The following RAB31 variants were observed in gnomAD, a reference collection of about 807,000 sequenced individuals.
The protein encoded by RAB31 is ras-related protein Rab-31.
A neutral mutation model predicts 25.6 loss-of-function variants in RAB31; 21 were observed. That is an observed-to-expected ratio of 0.82 (90% CI 0.58 to 1.18). RAB31 has a LOEUF of 1.18. RAB31 is among the 50% of genes most tolerant of loss of function. The probability of loss-of-function intolerance (pLI) is 0.00; values close to 1 mark genes in which losing one functional copy is unlikely to be tolerated. For synonymous variants in RAB31, 87 were observed against 84.0 expected, an observed-to-expected ratio of 1.04 and a Z score of -0.20; for missense variants, 196 against 250.1, an observed-to-expected ratio of 0.78 and a Z score of 1.46.
intron 3 of RAB31, among the ~76,000 whole-genome samples, chr18:9,809,962 A>G (rs1433944630): frequency 6.6e-6 from 1 of 152,230 alleles, no homozygotes; most frequent in Non-Finnish European, 1.5e-5. Flanking sequence ...AGAAGCTCCA[A>G]GAGCCTGAAG....
intron 6 of RAB31, chr18:9,856,309 A>C (rs2068815351): frequency 6.6e-6 from 1 of 152,194 alleles, no homozygotes. Context: ...TGGGGAGAGA[A>C]ATGAGAAGCA....
chr18:9,832,021 G>A (rs2068680961), intron 5 of RAB31, among the ~76,000 whole-genome samples: 1 of 152,260 alleles, frequency 6.6e-6, no homozygotes, highest in African/African-American at 2.4e-5. Flanking sequence ...GTGGACGGCA[G>A]TGCTAGTGAT....
At position 9,741,407 on chromosome 18, in the gene RAB31, A is replaced by T. The variant is rs1447719297; in HGVS notation, c.39+32963A>T. On this transcript the variant is annotated intron_variant, in intron 1 of 6. Coordinates refer to ENST00000578921, the MANE Select transcript of RAB31 (RefSeq NM_006868.4). Reference sequence around the variant, plus strand: ...AAAAAAAAAAAAAAAAAAAAAAGGCAGCTGCTCTGGGCACCCCTGGATTGT... The same window carrying T: ...AAAAAAAAAAAAAAAAAAAAAAGGCTGCTGCTCTGGGCACCCCTGGATTGT... Among the ~76,000 whole-genome samples the T allele has an allele frequency of 2.7e-5, 4 of 145,550 alleles. No homozygotes were observed. In the East Asian group the frequency reaches 8.1e-4, roughly 29 times the overall value.
rs954288858 is a variant in RAB31, at chr18:9,745,075, A to G, written c.40-30203A>G. On this transcript the variant is annotated intron_variant, in intron 1 of 6. Transcript: ENST00000578921. ...ATACCTTAAGCTACATTACTAAGAA[A>G]AAAAGAGAAAAGAAGTAAATCACTA... 9.2e-5 allele frequency among the ~76,000 whole-genome samples: 14 copies of G among 152,318 alleles called. No homozygotes were observed. The East Asian group carries it at 1.5e-3, about 17-fold the overall frequency.
At chr18:9,791,733 G>A (rs1396062008) in intron 2 of RAB31, among the ~76,000 whole-genome samples, 5 of 151,964 alleles carry the variant, frequency 3.3e-5, no homozygotes, top group African/African-American at 9.7e-5. Flanking sequence ...AGCTGGGACC[G>A]CAGGTGCCTG....
At chr18:9,800,445 T>G (rs532556065) in intron 3 of RAB31, among the ~76,000 whole-genome samples, 103 of 152,204 alleles carry the variant, frequency 6.8e-4, no homozygotes, top group Non-Finnish European at 1.3e-3. Flanking sequence ...AAGATATATT[T>G]ATTCCTTCCT....
chr18:9,741,918 A>C (rs1244993950), intron 1 of RAB31, among the ~76,000 whole-genome samples: 2 of 152,210 alleles, frequency 1.3e-5, no homozygotes, highest in African/African-American at 4.8e-5. Flanking sequence ...CCAGGGACCC[A>C]GAGGGAGCCA....
At chr18:9,856,941 A>G (rs1471137233) in intron 6 of RAB31, among the ~76,000 whole-genome samples, 1 of 152,102 alleles carries the variant, frequency 6.6e-6, no homozygotes, top group Non-Finnish European at 1.5e-5. Flanking sequence ...TTATCACTTA[A>G]GGTTGACCAA....
intron 1 of RAB31, among the ~76,000 whole-genome samples, chr18:9,727,735 A>G (rs1893129): frequency 0.7 from 105,953 of 152,154 alleles, 37,249 homozygotes; most frequent in African/African-American, 0.73. Flanking sequence ...AAACCTTTCT[A>G]TGAAGAAAAT....
chr18:9,813,973 T>TGCC (rs2068588152), intron 3 of RAB31, 47 bp from the exon 4 acceptor site: 2 of 1,323,538 alleles, frequency 1.5e-6, no homozygotes, highest in Admixed American at 3.9e-5. Context: ...TGGGATTGAA[T>TGCC]AAAGTCTGTT....
chr18:9,754,056 G>A (rs2145479985), intron 1 of RAB31, among the ~76,000 whole-genome samples: 1 of 152,194 alleles, frequency 6.6e-6, no homozygotes, highest in Middle Eastern at 3.4e-3. Flanking sequence ...AGGGGTGCAG[G>A]GCTCCTGCCA....
At chr18:9,846,745 T>G (rs1185093762) in intron 6 of RAB31, among the ~76,000 whole-genome samples, 1 of 152,220 alleles carries the variant, frequency 6.6e-6, no homozygotes, top group Non-Finnish European at 1.5e-5. Flanking sequence ...AGTGCATTAC[T>G]TTAGACTCCA....
chr18:9,729,731 G>C (rs1380484713), intron 1 of RAB31, among the ~76,000 whole-genome samples: 1 of 148,072 alleles, frequency 6.8e-6, no homozygotes, highest in Non-Finnish European at 1.5e-5. Flanking sequence ...CTACTGGTCT[G>C]ACATGTTATC....
In RAB31 at chr18:9,824,279, T is replaced by C. The variant is rs566370794; in HGVS notation, c.380+9057T>C. Among the ~76,000 whole-genome samples, 18 of 149,878 alleles carry C rather than the reference T, an allele frequency of 1.2e-4. No individual in the cohort carries two copies. In the East Asian group the frequency reaches 3.6e-3, roughly 30 times the overall value. On this transcript the variant is annotated intron_variant, in intron 5 of 6. Transcript: ENST00000578921. ...ATGAGTGTGTGTGTAGATGTGTATG[T>C]AGATGTGTGTGTATGTGTGTGTAGA...
intron 1 of RAB31, among the ~76,000 whole-genome samples, chr18:9,771,918 GAC>G (rs2068347221): frequency 6.6e-6 from 1 of 152,208 alleles, no homozygotes; most frequent in African/African-American, 2.4e-5. Flanking sequence ...AAAATAAAGA[GAC>G]AGTGACTTTG....
chr18:9,843,574 G>A lies in RAB31; in HGVS notation c.381-2008G>A, dbSNP rs1479053128. Among the ~76,000 whole-genome samples, 7 of 151,288 alleles carry A rather than the reference G, an allele frequency of 4.6e-5. No homozygotes were observed. The South Asian group carries it at 1.5e-3, about 32-fold the overall frequency. On this transcript the variant is annotated intron_variant, in intron 5 of 6. Transcript: ENST00000578921. ...AAAAAAAAAAAAAAAAACTTCAGGA[G>A]GAAGTAAAAAACAAGGTATCATGCC...
chr18:9,801,637 C>T (rs968601112), intron 3 of RAB31, among the ~76,000 whole-genome samples: 1 of 152,128 alleles, frequency 6.6e-6, no homozygotes, highest in Non-Finnish European at 1.5e-5. Flanking sequence ...ATTGTTGGGT[C>T]ATATGGTAAC....
chr18:9,817,499 C>T (rs538312933), intron 5 of RAB31, among the ~76,000 whole-genome samples: 2 of 152,228 alleles, frequency 1.3e-5, no homozygotes, highest in South Asian at 4.1e-4. Context: ...GCATTCTCTT[C>T]GTTTCCAGTC....
intron 5 of RAB31, among the ~76,000 whole-genome samples, chr18:9,834,719 G>T (rs1276429670): frequency 6.6e-6 from 1 of 152,160 alleles, no homozygotes; most frequent in African/African-American, 2.4e-5. Flanking sequence ...CTTCTTTGGC[G>T]GTGGGGGAAG....
Sources: gnomAD v4.1 joint callset for allele counts (sites outside exome capture counted in the v4.1 genomes callset) on GRCh38, gnomAD v4.1.1 for gene constraint, MANE v1.5 for transcripts, NCBI Gene and HGNC (gene_info 2026-07-23, HGNC 2026-07-21) for gene names.